Variants in PXT1 observed in about 807,000 individuals in gnomAD.
PXT1 encodes the protein peroxisomal testis-specific protein 1.
A neutral mutation model predicts 11.0 loss-of-function variants in PXT1; 11 were observed. The observed-to-expected ratio is 1.00, with a 90% confidence interval of 0.63 to 1.66. The LOEUF (loss-of-function observed/expected upper bound fraction) is 1.66. Among genes scored for constraint, PXT1 ranks in the 40% most tolerant of loss-of-function variants. The pLI is 0.00. For synonymous variants in PXT1, 43 were observed against 51.4 expected (o/e 0.84, Z 0.70); for missense variants, 141 against 155.5 (o/e 0.91, Z 0.49).
intron 3 of PXT1, among the ~76,000 whole-genome samples, chr6:36,404,443 T>C (rs1171228402): frequency 6.6e-6 from 1 of 152,128 alleles, no homozygotes; most frequent in African/African-American, 2.4e-5. Flanking sequence ...CACCTTAGCC[T>C]CTTGAGTAGC....
chr6:36,400,389 GC>G (rs1257273699), intron 4 of PXT1, 64 bp downstream of exon 4: 23 of 1,577,882 alleles, frequency 1.5e-5, no homozygotes, highest in Non-Finnish European at 2.0e-5. Context: ...ACACTTGGCA[GC>G]CGTAGTTTTG....
chr6:36,439,154 G>C (rs571315163), intron 1 of PXT1, among the ~76,000 whole-genome samples: 1 of 151,550 alleles, frequency 6.6e-6, no homozygotes. Flanking sequence ...GCACCACCGC[G>C]CCCAGCTAAT....
At chr6:36,407,425 A>T (rs1774306872) in intron 3 of PXT1, among the ~76,000 whole-genome samples, 2 of 152,212 alleles carry the variant, frequency 1.3e-5, no homozygotes, top group Admixed American at 6.5e-5. Context: ...CAAGTATTAA[A>T]ATTTTAATAT....
chr6:36,441,671 A>C (rs1334019767), intron 1 of PXT1, among the ~76,000 whole-genome samples: 1 of 152,252 alleles, frequency 6.6e-6, no homozygotes, highest in Non-Finnish European at 1.5e-5. Flanking sequence ...AGCCTAGTCC[A>C]TGTTGAGATA....
intron 3 of PXT1, among the ~76,000 whole-genome samples, chr6:36,402,951 CT>C (rs58955450): frequency 0.31 from 45,000 of 143,118 alleles, 6,575 homozygotes; most frequent in East Asian, 0.38. Flanking sequence ...TTCTTTCTTT[CT>C]TTTTTTTTTT....
At chr6:36,425,522 C>T (rs557344053) in intron 3 of PXT1, among the ~76,000 whole-genome samples, 17 of 152,044 alleles carry the variant, frequency 1.1e-4, no homozygotes, top group Admixed American at 3.9e-4. Flanking sequence ...CGGTGGCTCA[C>T]GCCTGTAAAT....
chr6:36,435,392 C>T (rs115365637), intron 2 of PXT1, among the ~76,000 whole-genome samples: 2,083 of 152,094 alleles, frequency 0.014, 42 homozygotes, highest in African/African-American at 0.045. Flanking sequence ...ACCCCCATCT[C>T]TACAAAAATT....
chr6:36,400,838 C>T lies in PXT1; in HGVS notation c.170-254G>A, dbSNP rs145369518. ...ACAAAAAATTAGCTGGATGTGGTGA[C>T]GGGTGCCTGTAATCCCTGCTACTCA... On this transcript the variant is annotated intron_variant, in intron 3 of 4. Transcript: ENST00000454782. Among the ~76,000 whole-genome samples, 822 of 152,132 alleles carry T rather than the reference C, an allele frequency of 5.4e-3. 4 individuals carry two copies. The highest frequency in any genetic ancestry group is 0.019 in the African/African-American group (778 of 41,496).
At chr6:36,437,280 C>T (rs1774778956) in intron 2 of PXT1, among the ~76,000 whole-genome samples, 2 of 144,662 alleles carry the variant, frequency 1.4e-5, no homozygotes, top group Admixed American at 6.9e-5. Flanking sequence ...GAGCGAGACT[C>T]CATCTCAAAA....
chr6:36,436,350 T>C (rs1774764648), intron 2 of PXT1, among the ~76,000 whole-genome samples: 1 of 152,182 alleles, frequency 6.6e-6, no homozygotes, highest in African/African-American at 2.4e-5. Flanking sequence ...GAGACCACTG[T>C]AGTAATTCAA....
At chr6:36,418,998 A>G (rs1254690870) in intron 3 of PXT1, among the ~76,000 whole-genome samples, 1 of 152,264 alleles carries the variant, frequency 6.6e-6, no homozygotes, top group Admixed American at 6.5e-5. Context: ...CCTTCTGATC[A>G]AAATTGCAAC....
intron 3 of PXT1, among the ~76,000 whole-genome samples, chr6:36,415,364 A>C (rs1774433346): frequency 6.6e-6 from 1 of 152,096 alleles, no homozygotes; most frequent in Admixed American, 6.6e-5. Flanking sequence ...GAATTACTTG[A>C]ACCTGGGAGG....
chr6:36,428,306 G>A (rs1024668824), intron 2 of PXT1, among the ~76,000 whole-genome samples: 16 of 151,666 alleles, frequency 1.1e-4, no homozygotes, highest in East Asian at 1.9e-4. Context: ...TTAGCCAGGC[G>A]TGATGGCACG....
chr6:36,401,701 TTTTCAAATTTAAATTAATTA>T (rs1774217913), intron 3 of PXT1, among the ~76,000 whole-genome samples: 1 of 151,708 alleles, frequency 6.6e-6, no homozygotes, highest in Non-Finnish European at 1.5e-5. Flanking sequence ...CAATGATCAG[TTTTCAAATTTAAATTAATTA>T]AAATTAATTA....
intron 2 of PXT1, among the ~76,000 whole-genome samples, chr6:36,436,344 C>T (rs371517067): frequency 1.3e-5 from 2 of 152,076 alleles, no homozygotes; most frequent in Non-Finnish European, 2.9e-5. Flanking sequence ...AGGCAAGAGA[C>T]CACTGTAGTA....
At chr6:36,392,494 C>A (rs1364796004) in intron 4 of PXT1, among the ~76,000 whole-genome samples, 1 of 151,994 alleles carries the variant, frequency 6.6e-6, no homozygotes, top group African/African-American at 2.4e-5. Context: ...CATGGTGAAA[C>A]CTCATCTCTA....
intron 3 of PXT1, among the ~76,000 whole-genome samples, chr6:36,424,191 A>G (rs1774567805): frequency 6.6e-6 from 1 of 152,212 alleles, no homozygotes; most frequent in South Asian, 2.1e-4. Flanking sequence ...CAACGTTGTG[A>G]GTATACTAAA....
intron 2 of PXT1, among the ~76,000 whole-genome samples, chr6:36,437,706 C>T (rs1189200358): frequency 2.6e-5 from 4 of 151,160 alleles, no homozygotes; most frequent in Non-Finnish European, 4.4e-5. Context: ...TTAGTAGAGA[C>T]GGGGTTTCAC....
chr6:36,430,290 G>A (rs1774674904), intron 2 of PXT1, among the ~76,000 whole-genome samples: 3 of 151,990 alleles, frequency 2.0e-5, no homozygotes, highest in South Asian at 2.1e-4. Context: ...TGCTGTCTAT[G>A]TGTTGTAGGT....
Sources: allele counts gnomAD v4.1 joint callset (sites outside exome capture counted in the v4.1 genomes callset), GRCh38; gene constraint gnomAD v4.1.1; transcripts MANE v1.5; gene names NCBI Gene and HGNC (gene_info 2026-07-23, HGNC 2026-07-21).